The following FAM107B variants were observed in gnomAD, a reference collection of about 807,000 sequenced individuals.
The protein encoded by FAM107B is protein FAM107B.
FAM107B carries 21 observed loss-of-function variants against 31.5 expected under a neutral mutation model. The ratio of observed to expected loss-of-function variants is 0.67; its 90% CI spans 0.47 to 0.96. The LOEUF (loss-of-function observed/expected upper bound fraction) is 0.96. FAM107B is among the 40% of genes least tolerant of loss of function. The pLI is 0.00. For missense variants in FAM107B, 452 were observed against 377.1 expected (o/e 1.20, Z -1.64); for synonymous variants, 157 against 141.5 (o/e 1.11, Z -0.78).
chr10:14,569,476 C>T (rs911428321), intron 2 of FAM107B, among the ~76,000 whole-genome samples: 22 of 152,016 alleles, frequency 1.4e-4, no homozygotes, highest in Admixed American at 3.9e-4. Context: ...CTAAGTCCTC[C>T]GGAAGCTAGA....
intron 1 of FAM107B, among the ~76,000 whole-genome samples, chr10:14,755,486 G>C (rs780848753): frequency 6.7e-6 from 1 of 148,720 alleles, no homozygotes; most frequent in Non-Finnish European, 1.5e-5. Context: ...GGTTGTGTGA[G>C]ATTCTGTCTC....
chr10:14,611,569 GA>G (rs1383027957), intron 2 of FAM107B, among the ~76,000 whole-genome samples: 1 of 146,516 alleles, frequency 6.8e-6, no homozygotes, highest in Non-Finnish European at 1.5e-5. Context: ...TAAGTTCATG[GA>G]AGAATGGAAG....
intron 1 of FAM107B, among the ~76,000 whole-genome samples, chr10:14,747,099 T>C (rs1216548452): frequency 6.6e-6 from 1 of 152,234 alleles, no homozygotes; most frequent in Non-Finnish European, 1.5e-5. Flanking sequence ...TTGATACTTG[T>C]GGTTGCATTA....
chr10:14,648,662 C>T (rs1024167108), intron 2 of FAM107B, among the ~76,000 whole-genome samples: 1 of 152,158 alleles, frequency 6.6e-6, no homozygotes, highest in Non-Finnish European at 1.5e-5. Context: ...CACCCAGGTG[C>T]GTCGGTGGCA....
chr10:14,677,161 C>G (rs1854703417), intron 1 of FAM107B, among the ~76,000 whole-genome samples: 1 of 152,174 alleles, frequency 6.6e-6, no homozygotes, highest in African/African-American at 2.4e-5. Flanking sequence ...CTGCTACTCT[C>G]CATTTCCCAG....
rs570753574 is a variant in FAM107B, at chr10:14,518,564, G to C, written c.*2626C>G. 2.0e-5 allele frequency: 3 copies of C among 152,776 alleles called. No individual in the cohort carries two copies. Among genetic ancestry groups the C allele is most frequent in the Admixed American group, 2.0e-4 (3 of 15,304 alleles). The allele number at this position is 152,776 out of a possible 1,614,324, so 9.5% of individuals were successfully genotyped here. Reference sequence around the variant, plus strand: ...CAGATCAGACAAACATGGTTGCATGGTCCAAGCATGTGGTGATTTTTATTA... The same window carrying C: ...CAGATCAGACAAACATGGTTGCATGCTCCAAGCATGTGGTGATTTTTATTA... On this transcript the variant is annotated 3_prime_UTR_variant, in exon 5 of 5. Coordinates refer to ENST00000181796, the MANE Select transcript of FAM107B (RefSeq NM_031453.4).
intron 2 of FAM107B, among the ~76,000 whole-genome samples, chr10:14,600,135 A>G (rs1304051589): frequency 6.6e-6 from 1 of 152,118 alleles, no homozygotes; most frequent in Non-Finnish European, 1.5e-5. Context: ...TTCATTTGCA[A>G]CAAAACCTCT....
At chr10:14,541,711 C>A (rs998955498) in intron 2 of FAM107B, among the ~76,000 whole-genome samples, 6 of 152,188 alleles carry the variant, frequency 3.9e-5, no homozygotes, top group Admixed American at 3.3e-4. Flanking sequence ...TCAATCTCTG[C>A]AGAAGGGAAA....
chr10:14,604,336 C>A (rs1332649782), intron 2 of FAM107B: 3 of 859,466 alleles, frequency 3.5e-6, no homozygotes. Flanking sequence ...CGGCCCGAGG[C>A]GGCGCGAGGG....
rs553575925 is a variant in FAM107B, at chr10:14,614,006, C to T, written c.469+53628G>A. Among the ~76,000 whole-genome samples the T allele has an allele frequency of 4.2e-4, 64 of 152,234 alleles. 2 individuals carry two copies. In the South Asian group the frequency reaches 0.013, roughly 30 times the overall value. The stretch of plus-strand genomic sequence containing the variant: ...ATTAGTCAGGAGTGTTGGCGGGCGC[C>T]TGTAGTCCCAGCTACTCGGGAGGCT... On this transcript the variant is annotated intron_variant, in intron 2 of 4. Coordinates refer to ENST00000181796, the MANE Select transcript of FAM107B (RefSeq NM_031453.4).
chr10:14,582,377 T>TTTC (rs1851664721), intron 2 of FAM107B, among the ~76,000 whole-genome samples: 1 of 139,588 alleles, frequency 7.2e-6, no homozygotes, highest in Admixed American at 7.1e-5. Context: ...TTTCTTTTCT[T>TTTC]TTTTTTTTTT....
intron 1 of FAM107B, among the ~76,000 whole-genome samples, chr10:14,681,803 C>A (rs559186605): frequency 6.6e-6 from 1 of 152,138 alleles, no homozygotes; most frequent in East Asian, 1.9e-4. Context: ...ATACACACAG[C>A]GCAACAGTTC....
chr10:14,713,253 C>T (rs1429961263), intron 1 of FAM107B, among the ~76,000 whole-genome samples: 1 of 152,174 alleles, frequency 6.6e-6, no homozygotes, highest in Middle Eastern at 3.2e-3. Flanking sequence ...TCCATAAATG[C>T]CAGTAAAGCT....
chr10:14,671,485 T>C (rs1415300129), intron 1 of FAM107B, among the ~76,000 whole-genome samples: 4 of 152,034 alleles, frequency 2.6e-5, no homozygotes, highest in Non-Finnish European at 5.9e-5. Flanking sequence ...CTGATGCAAA[T>C]GGCACGAGCT....
At chr10:14,575,969 C>A (rs1269054075) in intron 2 of FAM107B, among the ~76,000 whole-genome samples, 1 of 152,142 alleles carries the variant, frequency 6.6e-6, no homozygotes, top group Admixed American at 6.5e-5. Context: ...GAAGACATCA[C>A]GCTAAGCGAA....
intron 2 of FAM107B, among the ~76,000 whole-genome samples, chr10:14,578,642 T>G (rs2131297619): frequency 6.6e-6 from 1 of 152,268 alleles, no homozygotes; most frequent in East Asian, 1.9e-4. Context: ...CTACTGGCCA[T>G]TCAGAAGGCA....
intron 2 of FAM107B, among the ~76,000 whole-genome samples, chr10:14,644,000 T>C (rs1005147338): frequency 6.6e-6 from 1 of 152,050 alleles, no homozygotes; most frequent in Non-Finnish European, 1.5e-5. Flanking sequence ...GAGCTGCTAT[T>C]GTATTACTTA....
intron 2 of FAM107B, among the ~76,000 whole-genome samples, chr10:14,559,596 G>A (rs1461440270): frequency 8.0e-5 from 12 of 149,500 alleles, no homozygotes; most frequent in African/African-American, 2.9e-4. Context: ...TTGAGATGGA[G>A]TCACCCTCTG....
chr10:14,581,559 A>G (rs1000295256), intron 2 of FAM107B, among the ~76,000 whole-genome samples: 1 of 152,224 alleles, frequency 6.6e-6, no homozygotes, highest in African/African-American at 2.4e-5. Context: ...GCAGACATCT[A>G]ATTCTGGCTG....
Sources: gnomAD v4.1 joint callset for allele counts (sites outside exome capture counted in the v4.1 genomes callset) on GRCh38, gnomAD v4.1.1 for gene constraint, MANE v1.5 for transcripts, NCBI Gene and HGNC (gene_info 2026-07-23, HGNC 2026-07-21) for gene names.